The following NALF1 variants were observed in gnomAD, a reference collection of about 807,000 sequenced individuals.
The protein encoded by NALF1 is NALCN channel auxiliary factor 1, also known as family with sequence similarity 155 member A.
In NALF1, 3 loss-of-function variants were observed where a neutral mutation model predicts 48.4. The ratio of observed to expected loss-of-function variants is 0.06; its 90% CI spans 0.03 to 0.16. NALF1 has a LOEUF of 0.16. Ranked by LOEUF, NALF1 falls within the 10% of genes least tolerant of loss-of-function variation. The pLI is 1.00. For missense variants in NALF1, 526 were observed against 571.5 expected (o/e 0.92, Z 0.81); for synonymous variants, 262 against 245.7 (o/e 1.07, Z -0.62).
At chr13:107,412,412 A>T (rs1884007846) in intron 1 of NALF1, among the ~76,000 whole-genome samples, 1 of 152,040 alleles carries the variant, frequency 6.6e-6, no homozygotes, top group African/African-American at 2.4e-5. Flanking sequence ...GTCCACTAAA[A>T]CCTTCAGGGC....
chr13:107,846,143 T>A (rs1223057152), intron 1 of NALF1, among the ~76,000 whole-genome samples: 1 of 151,846 alleles, frequency 6.6e-6, no homozygotes, highest in Non-Finnish European at 1.5e-5. Flanking sequence ...AACACAGGAG[T>A]GGTGACTTGA....
chr13:107,758,647 G>A (rs1877183732), intron 1 of NALF1, among the ~76,000 whole-genome samples: 2 of 152,092 alleles, frequency 1.3e-5, no homozygotes, highest in Admixed American at 6.6e-5. Context: ...CGTGAACCCG[G>A]GAGATGGAGC....
intron 1 of NALF1, among the ~76,000 whole-genome samples, chr13:107,292,277 T>C (rs1244607408): frequency 6.6e-6 from 1 of 152,216 alleles, no homozygotes; most frequent in African/African-American, 2.4e-5. Context: ...GCACATGCCA[T>C]GAATGGAGCT....
At chr13:107,387,854 C>T (rs1047855443) in intron 1 of NALF1, among the ~76,000 whole-genome samples, 6 of 152,206 alleles carry the variant, frequency 3.9e-5, no homozygotes, top group Non-Finnish European at 7.3e-5. Flanking sequence ...AAATGCTACC[C>T]TTGAGTAACT....
chr13:107,861,069 A>G (rs1290206636), intron 1 of NALF1, among the ~76,000 whole-genome samples: 2 of 152,236 alleles, frequency 1.3e-5, no homozygotes, highest in Non-Finnish European at 2.9e-5. Flanking sequence ...TAATAATAAG[A>G]TATAATGTTG....
At chr13:107,829,875 T>A (rs762520061) in intron 1 of NALF1, among the ~76,000 whole-genome samples, 1 of 152,212 alleles carries the variant, frequency 6.6e-6, no homozygotes, top group African/African-American at 2.4e-5. Context: ...CACTATCATC[T>A]GTACCAAAGA....
intron 1 of NALF1, among the ~76,000 whole-genome samples, chr13:107,763,719 T>G (rs76984823): frequency 0.064 from 9,777 of 152,196 alleles, 372 homozygotes; most frequent in Non-Finnish European, 0.064. Context: ...AATGCAAACA[T>G]ATGATATATC....
intron 1 of NALF1, among the ~76,000 whole-genome samples, chr13:107,606,280 A>ATATGTG (rs1555312000): frequency 6.6e-6 from 1 of 151,210 alleles, no homozygotes; most frequent in African/African-American, 2.4e-5. Context: ...ATATATATAT[A>ATATGTG]TGTGTGTGTT....
At chr13:107,826,256 T>C (rs1240323387) in intron 1 of NALF1, among the ~76,000 whole-genome samples, 1 of 152,186 alleles carries the variant, frequency 6.6e-6, no homozygotes, top group African/African-American at 2.4e-5. Context: ...CATTTCTGTG[T>C]AGGTGCCAGA....
chr13:107,511,664 T>A (rs1309927610), intron 1 of NALF1, among the ~76,000 whole-genome samples: 1 of 152,070 alleles, frequency 6.6e-6, no homozygotes, highest in African/African-American at 2.4e-5. Flanking sequence ...CAGGGAGACT[T>A]TATCTTTGCT....
chr13:107,464,570 G>C (rs1258534744), intron 1 of NALF1, among the ~76,000 whole-genome samples: 1 of 151,854 alleles, frequency 6.6e-6, no homozygotes, highest in African/African-American at 2.4e-5. Context: ...GCCCAGGCTA[G>C]AGTGCAATGG....
intron 1 of NALF1, among the ~76,000 whole-genome samples, chr13:107,344,438 C>T (rs55740711): frequency 0.024 from 3,653 of 152,182 alleles, 138 homozygotes; most frequent in African/African-American, 0.082. Flanking sequence ...AAATCCTTAA[C>T]AAAACACTAG....
chr13:107,295,956 A>C (rs1566477479), intron 1 of NALF1, among the ~76,000 whole-genome samples: 1 of 152,212 alleles, frequency 6.6e-6, no homozygotes, highest in Admixed American at 6.5e-5. Flanking sequence ...GAATTCCTTT[A>C]AAATGCAAGA....
At chr13:107,526,089 C>A (rs1876426139) in intron 1 of NALF1, among the ~76,000 whole-genome samples, 1 of 152,040 alleles carries the variant, frequency 6.6e-6, no homozygotes, top group African/African-American at 2.4e-5. Flanking sequence ...TGCAAATAAT[C>A]CCCATCCCCC....
chr13:107,210,771 G>A lies in NALF1; in HGVS notation c.916-16C>T. The A allele has an allele frequency of 6.3e-7, 1 of 1,597,348 alleles. No homozygotes were observed. The highest frequency in any genetic ancestry group is 8.6e-7 in the Non-Finnish European group (1 of 1,165,174). ...TGTAGACAATCTGAAAAAAAGAGAAGAATGAAAAATATAGAGGCGTGACAA... is the reference window on the plus strand; with the variant it reads ...TGTAGACAATCTGAAAAAAAGAGAAAAATGAAAAATATAGAGGCGTGACAA... On this transcript the variant is annotated splice_polypyrimidine_tract_variant and intron_variant, in intron 1 of 2. Coordinates refer to ENST00000375915, the MANE Select transcript of NALF1 (RefSeq NM_001080396.3).
chr13:107,485,947 A>C (rs1885323110), intron 1 of NALF1, among the ~76,000 whole-genome samples: 1 of 152,086 alleles, frequency 6.6e-6, no homozygotes, highest in Non-Finnish European at 1.5e-5. Context: ...TCTTGAGAAA[A>C]CTTGCCCAGA....
chr13:107,249,543 T>C (rs1880652593), intron 1 of NALF1, among the ~76,000 whole-genome samples: 1 of 150,394 alleles, frequency 6.6e-6, no homozygotes, highest in Non-Finnish European at 1.5e-5. Flanking sequence ...TATCTTTGTA[T>C]AAAATGAACT....
At chr13:107,342,039 AT>A (rs999506741) in intron 1 of NALF1, among the ~76,000 whole-genome samples, 1 of 152,186 alleles carries the variant, frequency 6.6e-6, no homozygotes, top group Non-Finnish European at 1.5e-5. Context: ...ACAACTAGAC[AT>A]TGCCATAGCC....
intron 2 of NALF1, among the ~76,000 whole-genome samples, chr13:107,182,996 G>A (rs1879098789): frequency 6.6e-6 from 1 of 152,162 alleles, no homozygotes; most frequent in South Asian, 2.1e-4. Context: ...CCAACATGAA[G>A]AGCAAAATTA....
Sources: gnomAD v4.1 joint callset for allele counts (sites outside exome capture counted in the v4.1 genomes callset) on GRCh38, gnomAD v4.1.1 for gene constraint, MANE v1.5 for transcripts, NCBI Gene and HGNC (gene_info 2026-07-23, HGNC 2026-07-21) for gene names.